Variants in LPXN observed in about 807,000 individuals in gnomAD.
The protein encoded by LPXN is leupaxin.
Under a neutral mutation model 45.6 loss-of-function variants are expected in LPXN, and 28 were observed. The observed-to-expected ratio is 0.61, with a 90% CI of 0.45 to 0.84. The LOEUF (loss-of-function observed/expected upper bound fraction) is 0.84, where lower values mean the gene tolerates loss of function less well. Ranked by LOEUF, LPXN falls within the 40% of genes least tolerant of loss-of-function variation. The probability of loss-of-function intolerance (pLI) is 0.00; values close to 1 mark genes in which losing one functional copy is unlikely to be tolerated. For missense variants in LPXN, 459 were observed against 475.0 expected, an observed-to-expected ratio of 0.97 and a Z score of 0.31; for synonymous variants, 166 against 169.9, an observed-to-expected ratio of 0.98 and a Z score of 0.18.
Position 58,532,654 on chromosome 11 carries a change from G to T in LPXN, c.743-4463C>A, listed in dbSNP as rs1590752286. On this transcript the variant is annotated intron_variant, in intron 7 of 8. Transcript: ENST00000395074. ...GCACTCTGTGTCTAGCTCAGGGATT[G>T]TAAATGCACCAGTCAGCACCCTGTC... Among the ~76,000 whole-genome samples, 4 of 152,226 alleles carry T rather than the reference G, an allele frequency of 2.6e-5. No individual in the cohort carries two copies. In the South Asian group the frequency reaches 8.3e-4, roughly 32 times the overall value.
chr11:58,563,243 T>C (rs972644109), intron 3 of LPXN, among the ~76,000 whole-genome samples: 1 of 152,194 alleles, frequency 6.6e-6, no homozygotes, highest in Non-Finnish European at 1.5e-5. Flanking sequence ...CTTCAGGGAC[T>C]GGGGAGGGAC....
chr11:58,557,383 A>G (rs768765703), intron 3 of LPXN, among the ~76,000 whole-genome samples: 9 of 152,186 alleles, frequency 5.9e-5, no homozygotes, highest in Non-Finnish European at 1.0e-4. Flanking sequence ...AGTGAGCCTT[A>G]AAAAAAGGAG....
intron 7 of LPXN, among the ~76,000 whole-genome samples, chr11:58,540,753 T>C (rs902483144): frequency 6.6e-6 from 1 of 152,190 alleles, no homozygotes; most frequent in African/African-American, 2.4e-5. Context: ...ATTAGAAAAT[T>C]CTTGGCTTGA....
chr11:58,574,026 T>C (rs1854798678), intron 1 of LPXN, among the ~76,000 whole-genome samples: 1 of 144,682 alleles, frequency 6.9e-6, no homozygotes, highest in Non-Finnish European at 1.5e-5. Context: ...CAACCTGTCC[T>C]CGATGCCATT....
chr11:58,546,103 A>G (rs902451107), intron 7 of LPXN, among the ~76,000 whole-genome samples: 1 of 152,182 alleles, frequency 6.6e-6, no homozygotes, highest in Admixed American at 6.5e-5. Context: ...AGGATATGCC[A>G]CCAGATGAGA....
intron 3 of LPXN, among the ~76,000 whole-genome samples, chr11:58,559,991 C>G (rs1854323951): frequency 6.6e-6 from 1 of 152,168 alleles, no homozygotes; most frequent in Admixed American, 6.5e-5. Flanking sequence ...CAGCAGTTAC[C>G]TGTGGAGCTG....
intron 7 of LPXN, among the ~76,000 whole-genome samples, chr11:58,537,496 C>T (rs1162552870): frequency 6.6e-6 from 1 of 151,966 alleles, no homozygotes; most frequent in Non-Finnish European, 1.5e-5. Flanking sequence ...GAACATCACA[C>T]ACTGGGGCCT....
intron 7 of LPXN, among the ~76,000 whole-genome samples, chr11:58,534,896 A>G (rs899370951): frequency 4.6e-5 from 7 of 152,238 alleles, no homozygotes; most frequent in South Asian, 2.1e-4. Flanking sequence ...AAACACCTCT[A>G]TACAAATAAA....
At chr11:58,562,841 T>G (rs1854419649) in intron 3 of LPXN, among the ~76,000 whole-genome samples, 1 of 152,152 alleles carries the variant, frequency 6.6e-6, no homozygotes, top group Non-Finnish European at 1.5e-5. Flanking sequence ...ATTTCACTGC[T>G]TTTTACCCTG....
chr11:58,554,724 C>A, intron 4 of LPXN, 117 bp downstream of exon 4: 2 of 658,952 alleles, frequency 3.0e-6, no homozygotes, highest in South Asian at 2.4e-5. Flanking sequence ...TAGGAAAATT[C>A]CTAAGTGGGA....
intron 3 of LPXN, among the ~76,000 whole-genome samples, chr11:58,555,649 T>C (rs1854177541): frequency 1.3e-5 from 2 of 151,924 alleles, no homozygotes; most frequent in South Asian, 4.1e-4. Context: ...ATAAAAACTA[T>C]CCACTTAAGA....
intron 3 of LPXN, among the ~76,000 whole-genome samples, chr11:58,557,591 T>C (rs1055940903): frequency 6.6e-6 from 1 of 152,030 alleles, no homozygotes; most frequent in Middle Eastern, 3.4e-3. Context: ...GAATATGAAG[T>C]AGCAGATATG....
At chr11:58,563,548 G>T (rs1158799656) in intron 3 of LPXN, among the ~76,000 whole-genome samples, 1 of 152,140 alleles carries the variant, frequency 6.6e-6, no homozygotes, top group Non-Finnish European at 1.5e-5. Context: ...GTTAAAAATT[G>T]CAAGCTATAA....
At chr11:58,561,157 G>C (rs1177986283) in intron 3 of LPXN, among the ~76,000 whole-genome samples, 1 of 152,068 alleles carries the variant, frequency 6.6e-6, no homozygotes. Context: ...TCTGCACAAA[G>C]ATGCAAAGTC....
At chr11:58,527,943 C>A in intron 8 of LPXN, 100 bp downstream of exon 8, 1 of 1,364,248 alleles carries the variant, frequency 7.3e-7, no homozygotes, top group Non-Finnish European at 1.0e-6. Flanking sequence ...ATCCATTCCT[C>A]ATTCAGGACT....
intron 3 of LPXN, among the ~76,000 whole-genome samples, chr11:58,558,617 G>T (rs1007454070): frequency 6.7e-6 from 1 of 149,074 alleles, no homozygotes; most frequent in African/African-American, 2.5e-5. Flanking sequence ...CAAAGGAGTA[G>T]ATTAGAAAAC....
chr11:58,532,427 T>C (rs1314564011), intron 7 of LPXN, among the ~76,000 whole-genome samples: 1 of 152,170 alleles, frequency 6.6e-6, no homozygotes, highest in Non-Finnish European at 1.5e-5. Flanking sequence ...GGGACTTGGA[T>C]AACTTTTATG....
intron 7 of LPXN, among the ~76,000 whole-genome samples, chr11:58,534,243 A>G (rs1184267994): frequency 6.6e-6 from 1 of 152,194 alleles, no homozygotes; most frequent in Non-Finnish European, 1.5e-5. Flanking sequence ...ACCACATCAT[A>G]TTTATTCTAA....
At chr11:58,552,266 CA>C (rs1251123724) in intron 4 of LPXN, among the ~76,000 whole-genome samples, 221 of 150,522 alleles carry the variant, frequency 1.5e-3, no homozygotes, top group Admixed American at 3.2e-3. Context: ...ATTATTTAAG[CA>C]AAAGCCCAAA....
Sources: gnomAD v4.1 joint callset for allele counts (sites outside exome capture counted in the v4.1 genomes callset) on GRCh38, gnomAD v4.1.1 for gene constraint, MANE v1.5 for transcripts, NCBI Gene and HGNC (gene_info 2026-07-23, HGNC 2026-07-21) for gene names.